Variants in CPNE8 observed in about 807,000 individuals in gnomAD.
The protein encoded by CPNE8 is copine 8.
A neutral mutation model predicts 81.5 loss-of-function variants in CPNE8; 45 were observed. The ratio of observed to expected loss-of-function variants is 0.55; its 90% CI spans 0.44 to 0.71. CPNE8 has a LOEUF of 0.71. Ranked by LOEUF, CPNE8 falls within the 30% of genes least tolerant of loss-of-function variation. The pLI is 0.00. For synonymous variants in CPNE8, 252 were observed against 226.3 expected (o/e 1.11, Z -1.02); for missense variants, 594 against 672.1 (o/e 0.88, Z 1.28).
chr12:38,884,052 T>C (rs1171023075), intron 1 of CPNE8, among the ~76,000 whole-genome samples: 1 of 152,218 alleles, frequency 6.6e-6, no homozygotes, highest in East Asian at 1.9e-4. Flanking sequence ...TGAAATACTA[T>C]AAAATTTGCC....
At chr12:38,868,557 T>C (rs1372690417) in intron 3 of CPNE8, among the ~76,000 whole-genome samples, 4 of 152,158 alleles carry the variant, frequency 2.6e-5, no homozygotes, top group Non-Finnish European at 4.4e-5. Flanking sequence ...GTTCAACTTC[T>C]TTCCTGATGA....
chr12:38,815,786 A>C (rs1943014293), intron 6 of CPNE8, among the ~76,000 whole-genome samples: 3 of 152,208 alleles, frequency 2.0e-5, no homozygotes, highest in African/African-American at 7.2e-5. Flanking sequence ...TGACATTAAA[A>C]GGAAAGCAAA....
chr12:38,755,320 A>G (rs1037088311), intron 10 of CPNE8, among the ~76,000 whole-genome samples: 3 of 152,208 alleles, frequency 2.0e-5, no homozygotes, highest in Non-Finnish European at 2.9e-5. Context: ...TTTTCATCAA[A>G]GCATCATTTT....
intron 6 of CPNE8, among the ~76,000 whole-genome samples, chr12:38,815,055 TC>T (rs1437316094): frequency 6.6e-6 from 1 of 152,162 alleles, no homozygotes; most frequent in Non-Finnish European, 1.5e-5. Flanking sequence ...ACTGACCTCA[TC>T]CTTCTATGGT....
intron 14 of CPNE8, among the ~76,000 whole-genome samples, chr12:38,697,751 T>C (rs1939831982): frequency 4.6e-5 from 7 of 151,936 alleles, no homozygotes; most frequent in Admixed American, 4.6e-4. Context: ...AGGGAAGTTC[T>C]CACTCTGTTA....
At chr12:38,906,119 C>G, upstream of CPNE8, 2 of 986,018 alleles carry the variant, frequency 2.0e-6, no homozygotes, top group Non-Finnish European at 2.4e-6. Flanking sequence ...TATAAGGTCC[C>G]CCTCCCCACA....
intron 19 of CPNE8, among the ~76,000 whole-genome samples, chr12:38,656,577 T>G (rs1368425551): frequency 6.6e-6 from 1 of 152,150 alleles, no homozygotes; most frequent in Non-Finnish European, 1.5e-5. Flanking sequence ...ACTTCCCAGT[T>G]TCAAAGCCTG....
At chr12:38,677,827 A>G (rs987339149) in intron 16 of CPNE8, among the ~76,000 whole-genome samples, 2 of 151,978 alleles carry the variant, frequency 1.3e-5, no homozygotes, top group Non-Finnish European at 2.9e-5. Flanking sequence ...ACTATTTAGT[A>G]CAAAGAAATG....
chr12:38,710,516 T>C (rs1475922682), intron 13 of CPNE8, among the ~76,000 whole-genome samples: 2 of 152,098 alleles, frequency 1.3e-5, no homozygotes, highest in African/African-American at 2.4e-5. Flanking sequence ...AACAACCACA[T>C]TGAAGGAGAC....
chr12:38,810,382 T>A (rs568820445), intron 6 of CPNE8, among the ~76,000 whole-genome samples: 6 of 152,290 alleles, frequency 3.9e-5, no homozygotes, highest in African/African-American at 1.4e-4. Flanking sequence ...TAATTGTATA[T>A]CTCCCTGAAG....
intron 10 of CPNE8, among the ~76,000 whole-genome samples, chr12:38,733,829 A>G (rs544511607): frequency 6.6e-6 from 1 of 152,110 alleles, no homozygotes; most frequent in Admixed American, 6.6e-5. Flanking sequence ...GTTCATTAAG[A>G]TCATTTCTAT....
intron 6 of CPNE8, among the ~76,000 whole-genome samples, chr12:38,796,479 T>C (rs936911040): frequency 6.6e-6 from 1 of 152,000 alleles, no homozygotes; most frequent in Non-Finnish European, 1.5e-5. Context: ...ATATAAAAAA[T>C]AGAAGAAAAA....
At chr12:38,782,554 C>A (rs1435786209) in intron 6 of CPNE8, among the ~76,000 whole-genome samples, 4 of 151,966 alleles carry the variant, frequency 2.6e-5, no homozygotes, top group Non-Finnish European at 4.4e-5. Context: ...TCTCAAATGA[C>A]TCAGAAAGAA....
At chr12:38,788,589 A>C (rs1254989839) in intron 6 of CPNE8, among the ~76,000 whole-genome samples, 1 of 151,860 alleles carries the variant, frequency 6.6e-6, no homozygotes, top group African/African-American at 2.4e-5. Context: ...TCAACATAGT[A>C]CTGGAAGTTC....
At chr12:38,737,704 T>C (rs576941176) in intron 10 of CPNE8, among the ~76,000 whole-genome samples, 1 of 152,256 alleles carries the variant, frequency 6.6e-6, no homozygotes, top group East Asian at 1.9e-4. Flanking sequence ...TTAATTTCTC[T>C]CACTTTTTCA....
chr12:38,837,892 A>G (rs998761650), intron 5 of CPNE8, among the ~76,000 whole-genome samples: 2 of 152,192 alleles, frequency 1.3e-5, no homozygotes, highest in African/African-American at 4.8e-5. Context: ...TTTCTTATGA[A>G]AATAAAAGTA....
chr12:38,656,102 T>TTA (rs1555139797), intron 19 of CPNE8, among the ~76,000 whole-genome samples: 1 of 141,898 alleles, frequency 7.0e-6, no homozygotes, highest in Admixed American at 7.0e-5. Context: ...ATCAAAGAGG[T>TTA]AAAAAAAAAA....
At chr12:38,683,092 A>G (rs922250866) in intron 16 of CPNE8, among the ~76,000 whole-genome samples, 10 of 152,156 alleles carry the variant, frequency 6.6e-5, no homozygotes, top group Admixed American at 6.6e-5. Flanking sequence ...TCTATTTTAC[A>G]ATATTGTTAC....
At chr12:38,697,945 C>G (rs1052617700) in intron 14 of CPNE8, among the ~76,000 whole-genome samples, 1 of 152,154 alleles carries the variant, frequency 6.6e-6, no homozygotes, top group African/African-American at 2.4e-5. Context: ...GAACTGTGAG[C>G]TAAATAAACC....
Sources: gnomAD v4.1 joint callset for allele counts (sites outside exome capture counted in the v4.1 genomes callset) on GRCh38, gnomAD v4.1.1 for gene constraint, MANE v1.5 for transcripts, NCBI Gene and HGNC (gene_info 2026-07-23, HGNC 2026-07-21) for gene names.